Variants in CSMD1 observed in about 807,000 individuals in gnomAD.
CSMD1 encodes CUB and sushi domain-containing protein 1.
A neutral mutation model predicts 417.5 loss-of-function variants in CSMD1; 213 were observed. That is an observed-to-expected ratio of 0.51 (90% CI 0.46 to 0.57). The LOEUF is 0.57. CSMD1 is among the 20% of genes least tolerant of loss of function. CSMD1 has a pLI of 0.00. For synonymous variants in CSMD1, 2,862 were observed against 1,736.8 expected (o/e 1.65, Z -16.11); for missense variants, 6,923 against 4,529.7 (o/e 1.53, Z -15.17).
At chr8:4,613,042 CT>C (rs1160909519) in intron 2 of CSMD1, among the ~76,000 whole-genome samples, 3 of 152,110 alleles carry the variant, frequency 2.0e-5, no homozygotes, top group Admixed American at 1.3e-4. Context: ...GCTAGAGGAA[CT>C]TGTTTTGCAT....
At chr8:4,882,213 C>T (rs1328425580) in intron 1 of CSMD1, among the ~76,000 whole-genome samples, 1 of 151,802 alleles carries the variant, frequency 6.6e-6, no homozygotes, top group African/African-American at 2.4e-5. Context: ...GGTGGATTTC[C>T]CACACACTGG....
chr8:4,835,646 G>A (rs191993309), intron 1 of CSMD1, among the ~76,000 whole-genome samples: 88 of 152,230 alleles, frequency 5.8e-4, no homozygotes, highest in Admixed American at 2.0e-3. Context: ...TGAAATGAAA[G>A]ACATCGGTGA....
intron 2 of CSMD1, among the ~76,000 whole-genome samples, chr8:4,629,816 C>G (rs1169246165): frequency 6.6e-6 from 1 of 152,138 alleles, no homozygotes; most frequent in African/African-American, 2.4e-5. Flanking sequence ...TCTTTGTCTG[C>G]TAATAATAGT....
chr8:3,076,802 G>C (rs1055423966), intron 49 of CSMD1, among the ~76,000 whole-genome samples: 2 of 152,152 alleles, frequency 1.3e-5, no homozygotes, highest in Non-Finnish European at 2.9e-5. Flanking sequence ...GGATTCGAAG[G>C]TACAGCAGAA....
intron 3 of CSMD1, among the ~76,000 whole-genome samples, chr8:4,231,159 T>C (rs570335236): frequency 2.0e-5 from 3 of 152,312 alleles, no homozygotes; most frequent in Admixed American, 6.5e-5. Flanking sequence ...GATATTGATA[T>C]AGTGAAATGT....
chr8:3,291,653 C>T (rs986673025), intron 25 of CSMD1, among the ~76,000 whole-genome samples: 3 of 152,116 alleles, frequency 2.0e-5, no homozygotes, highest in East Asian at 1.9e-4. Flanking sequence ...GTTTGTGTTT[C>T]TGTGGGATCG....
chr8:3,373,669 C>T (rs1332723129), intron 18 of CSMD1: 1 of 152,152 alleles, frequency 6.6e-6, no homozygotes. Flanking sequence ...AATATAGCTG[C>T]TCATAATTTG....
chr8:4,383,595 A>T (rs952545769), intron 3 of CSMD1, among the ~76,000 whole-genome samples: 3 of 152,200 alleles, frequency 2.0e-5, no homozygotes, highest in Non-Finnish European at 4.4e-5. Flanking sequence ...GAAACATGGA[A>T]GTGTTTAATA....
intron 12 of CSMD1, among the ~76,000 whole-genome samples, chr8:3,413,104 T>C (rs1368447374): frequency 6.6e-6 from 1 of 152,162 alleles, no homozygotes; most frequent in African/African-American, 2.4e-5. Context: ...AGGGTGGCCA[T>C]GAGAATTAAA....
At chr8:3,668,282 G>C (rs1398155948) in intron 7 of CSMD1, among the ~76,000 whole-genome samples, 3 of 152,146 alleles carry the variant, frequency 2.0e-5, no homozygotes, top group Admixed American at 6.5e-5. Flanking sequence ...AGATGGCCCT[G>C]TGTAAAGGAA....
intron 5 of CSMD1, among the ~76,000 whole-genome samples, chr8:3,845,896 G>T (rs1424705327): frequency 6.6e-6 from 1 of 151,062 alleles, no homozygotes; most frequent in African/African-American, 2.4e-5. Flanking sequence ...CGTTGTCCTA[G>T]GCCTAAACAG....
intron 3 of CSMD1, among the ~76,000 whole-genome samples, chr8:4,061,642 T>C (rs533803801): frequency 2.6e-5 from 4 of 152,256 alleles, no homozygotes; most frequent in Non-Finnish European, 2.9e-5. Flanking sequence ...CAAGGGAGGA[T>C]GGACTGTGTG....
At chr8:3,419,875 G>A (rs980170659) in intron 12 of CSMD1, among the ~76,000 whole-genome samples, 2 of 152,092 alleles carry the variant, frequency 1.3e-5, no homozygotes, top group African/African-American at 4.8e-5. Flanking sequence ...TAGAAATATA[G>A]ACTCTTGGAA....
intron 3 of CSMD1, among the ~76,000 whole-genome samples, chr8:4,085,905 A>C (rs1204567855): frequency 6.6e-6 from 1 of 152,098 alleles, no homozygotes; most frequent in Non-Finnish European, 1.5e-5. Context: ...GTGAGATGTT[A>C]CCATTGCGTA....
intron 7 of CSMD1, among the ~76,000 whole-genome samples, chr8:3,702,783 G>A (rs563014971): frequency 6.6e-6 from 1 of 152,322 alleles, no homozygotes; most frequent in Admixed American, 6.5e-5. Flanking sequence ...AGTTAGCTGA[G>A]ATCGCACCAC....
chr8:3,075,876 C>T (rs1813630357), intron 49 of CSMD1, among the ~76,000 whole-genome samples: 1 of 144,002 alleles, frequency 6.9e-6, no homozygotes, highest in Non-Finnish European at 1.5e-5. Context: ...ACTGTCTCTA[C>T]TAAAAATACA....
intron 3 of CSMD1, among the ~76,000 whole-genome samples, chr8:4,049,643 T>C (rs1023568648): frequency 3.3e-5 from 5 of 152,094 alleles, no homozygotes; most frequent in Admixed American, 2.0e-4. Flanking sequence ...TAAAATAACA[T>C]TATATTTACT....
At chr8:4,104,489 T>C (rs1801467066) in intron 3 of CSMD1, among the ~76,000 whole-genome samples, 1 of 152,202 alleles carries the variant, frequency 6.6e-6, no homozygotes, top group African/African-American at 2.4e-5. Flanking sequence ...TCTATTGAAT[T>C]TTCTTGCTTT....
chr8:3,804,536 C>T (rs781502905), intron 5 of CSMD1, among the ~76,000 whole-genome samples: 25 of 152,080 alleles, frequency 1.6e-4, no homozygotes, highest in Admixed American at 9.2e-4. Flanking sequence ...CATCATGTTG[C>T]TATAAATGAG....
Sources: gnomAD v4.1 joint callset for allele counts (sites outside exome capture counted in the v4.1 genomes callset) on GRCh38, gnomAD v4.1.1 for gene constraint, MANE v1.5 for transcripts, NCBI Gene and HGNC (gene_info 2026-07-23, HGNC 2026-07-21) for gene names.